LTN1: variants seen among roughly 807,000 people sequenced by gnomAD.
LTN1 encodes the protein E3 ubiquitin-protein ligase listerin.
Under a neutral mutation model 201.2 loss-of-function variants are expected in LTN1, and 88 were observed. The ratio of observed to expected loss-of-function variants is 0.44; its 90% confidence interval spans 0.37 to 0.52. The LOEUF (loss-of-function observed/expected upper bound fraction) is 0.52, where lower values mean the gene tolerates loss of function less well. Ranked by LOEUF, LTN1 falls within the 20% of genes least tolerant of loss-of-function variation. The pLI, the probability that LTN1 is intolerant of heterozygous loss-of-function variation, is 0.00. For synonymous variants in LTN1, 645 were observed against 713.5 expected, an observed-to-expected ratio of 0.90 and a Z score of 1.53; for missense variants, 1,752 against 2,038.7, an observed-to-expected ratio of 0.86 and a Z score of 2.71.
rs373492444 is a variant in LTN1, at chr21:28,952,116, G to A, written c.3344+44C>T. On this transcript the variant is annotated intron_variant, in intron 18 of 29. Coordinates refer to ENST00000361371, the MANE Select transcript of LTN1 (RefSeq NM_015565.3). ...TTAATTAGGGGTTGCCAAAGTGACC[G>A]ATTACAGTAAACTACAAAGTAAAAA... The A allele has an allele frequency of 8.0e-5, 95 of 1,183,146 alleles. No homozygotes were observed. In the East Asian group the frequency reaches 1.6e-3, roughly 20 times the overall value. 73.3% of individuals were successfully genotyped at this position (1,183,146 alleles called of 1,614,324 possible). A position where few individuals can be genotyped will look rare whatever the true frequency, so the allele number is the denominator to read the frequency against.
Position 28,966,755 on chromosome 21 carries a change from G to A in LTN1, c.1736C>T (p.Ser579Leu), listed in dbSNP as rs1345498214. ...TTEPSLTHNS[S>L]GLLSPLRKKP... is the part of the protein sequence containing the mutation. ...TTTCCTTAGAGGAGACAAAAGGCCT[G>A]AAGAATTATGAGTGAGAGAAGGTTC... Residue 579 changes from serine to leucine, a missense_variant, in exon 10 of 30, where the codon TCA becomes TTA. By Grantham distance (145) the Ser-to-Leu change is moderately radical. Around this residue, in one of 3 missense-constraint regions of LTN1, gnomAD observed 1,211 missense variants for 1,312.8 expected, o/e 0.92. Transcript: ENST00000361371. The A allele has an allele frequency of 6.2e-7, 1 of 1,613,990 alleles. No individual in the cohort carries two copies. Among genetic ancestry groups the A allele is most frequent in the Non-Finnish European group, 8.5e-7 (1 of 1,180,016 alleles).
rs1347538656 is a variant in LTN1, at chr21:28,970,589, C to A, written c.1138G>T (p.Asp380Tyr). 1 of 1,612,938 alleles carries A rather than the reference C, an allele frequency of 6.2e-7. No individual in the cohort carries two copies. The highest frequency in any genetic ancestry group is 8.5e-7 in the Non-Finnish European group (1 of 1,179,686). Residue 380 changes from aspartate (D) to tyrosine (Y), a missense_variant, in exon 8 of 30, where the codon GAT (aspartate) becomes TAT (tyrosine). Physicochemically the swap from Asp to Tyr is radical, Grantham distance 160 (BLOSUM62 -3). Coordinates refer to ENST00000361371, the MANE Select transcript of LTN1 (RefSeq NM_015565.3). The part of the protein sequence containing the change: ...LPQSITNPKL[D>Y]FFKNFLTSLV... The stretch of plus-strand genomic sequence containing the variant: ...GACGTGAGGAAATTTTTGAAGAAAT[C>A]CAACTTTGGATTTGTGATGGACTGA...
chr21:28,945,375 T>C (rs8129822), intron 21 of LTN1, among the ~76,000 whole-genome samples: 4,479 of 152,268 alleles, frequency 0.029, 229 homozygotes, highest in African/African-American at 0.1. Context: ...ACAAGTAATA[T>C]ACCTCTGGTT....
chr21:28,982,109 C>A (rs916730646), intron 5 of LTN1, among the ~76,000 whole-genome samples: 1 of 151,806 alleles, frequency 6.6e-6, no homozygotes, highest in Non-Finnish European at 1.5e-5. Context: ...CCCAGCTACT[C>A]GAGAGGCTTA....
chr21:28,962,215 T>C (rs2084484869), intron 11 of LTN1, among the ~76,000 whole-genome samples: 1 of 152,148 alleles, frequency 6.6e-6, no homozygotes. Context: ...AGATAAGAAA[T>C]TCAACATAAT....
At chr21:28,969,335 T>C (rs2084553824) in intron 9 of LTN1, 131 bp downstream of exon 9, 1 of 687,666 alleles carries the variant, frequency 1.5e-6, no homozygotes, top group Non-Finnish European at 2.3e-6. Context: ...TACACATCAC[T>C]CAATTGGTAA....
intron 21 of LTN1, among the ~76,000 whole-genome samples, chr21:28,945,146 A>C (rs1445748959): frequency 2.0e-5 from 3 of 152,162 alleles, no homozygotes; most frequent in African/African-American, 7.2e-5. Context: ...GCTTGAACCC[A>C]GAAGGCGGAG....
intron 27 of LTN1, 57 bp from the exon 28 acceptor site, chr21:28,932,721 CA>C: frequency 8.3e-7 from 1 of 1,206,040 alleles, no homozygotes; most frequent in South Asian, 1.3e-5. Context: ...AACCAGAAAA[CA>C]TTTTGATAGG....
At position 28,971,281 on chromosome 21, in the gene LTN1, G is replaced by A. The variant is rs147761789; in HGVS notation, c.974C>T (p.Thr325Ile). 1.2e-6 allele frequency: 2 copies of A among 1,612,948 alleles called. No homozygotes were observed. The highest frequency in any genetic ancestry group is 1.7e-6 in the Non-Finnish European group (2 of 1,179,456). Reference sequence around the variant, plus strand: ...GCCTCTCTTACATACCTCAATAGTTGTAAGTGTATAGAGTACAGCTTCCCA... The same window carrying A: ...GCCTCTCTTACATACCTCAATAGTTATAAGTGTATAGAGTACAGCTTCCCA... ...ALWEAVLYTLTTIEDCWLHVN... is the reference protein window; with the variant it reads ...ALWEAVLYTLITIEDCWLHVN... Residue 325 changes from threonine to isoleucine, a missense_variant, in exon 7 of 30, where the codon ACA (threonine) becomes ATA (isoleucine). This residue lies in a region of LTN1 where 1,211 missense variants were observed against 1,312.8 expected (regional missense o/e 0.92). Transcript: ENST00000361371.
chr21:28,930,769 C>A (rs1455961143), intron 29 of LTN1, among the ~76,000 whole-genome samples: 1 of 152,164 alleles, frequency 6.6e-6, no homozygotes, highest in Non-Finnish European at 1.5e-5. Context: ...AACAAATGAA[C>A]AAATGGCAAC....
Position 28,959,957 on chromosome 21 carries a change from G to C in LTN1, c.2354-260C>G, listed in dbSNP as rs1002870658. ...ACACTGAAAACCCTTTAAGTCATGAGTCAACTTTATGAGCTAAAAAAAAAA... is the reference window on the plus strand; with the variant it reads ...ACACTGAAAACCCTTTAAGTCATGACTCAACTTTATGAGCTAAAAAAAAAA... On this transcript the variant is annotated intron_variant, in intron 12 of 29. Coordinates refer to ENST00000361371, the MANE Select transcript of LTN1 (RefSeq NM_015565.3). 8 of 281,742 alleles carry C rather than the reference G, an allele frequency of 2.8e-5. No individual in the cohort carries two copies. The Admixed American group carries it at 3.3e-4, about 12-fold the overall frequency. 17.5% of individuals were successfully genotyped at this position (281,742 alleles called of 1,614,324 possible). A position where few individuals can be genotyped will look rare whatever the true frequency, so the allele number is the denominator to read the frequency against.
chr21:28,977,606 C>G (rs2084626089), intron 6 of LTN1, among the ~76,000 whole-genome samples: 1 of 151,902 alleles, frequency 6.6e-6, no homozygotes, highest in Non-Finnish European at 1.5e-5. Context: ...GCCTCTAATC[C>G]CAGCTACTCG....
intron 5 of LTN1, 88 bp from the exon 6 acceptor site, chr21:28,981,387 T>G: frequency 5.7e-6 from 4 of 702,044 alleles, no homozygotes; most frequent in East Asian, 3.3e-5. Context: ...GTTTTATCAT[T>G]AAATATCTAC....
intron 25 of LTN1, among the ~76,000 whole-genome samples, chr21:28,939,981 T>C (rs952213797): frequency 1.3e-5 from 2 of 152,200 alleles, no homozygotes; most frequent in Non-Finnish European, 1.5e-5. Flanking sequence ...GATGCAAAAA[T>C]TGATATCTTT....
chr21:28,966,444 C>T lies in LTN1; in HGVS notation c.2047G>A (p.Asp683Asn). ...DQRKDFGFLV[D>N]ILYSALRCCD... Reference sequence around the variant, plus strand: ...CACCGGAGAGCACTGTACAAAATGTCCACCAGGAAACCAAAATCCTTCCTT... The same window carrying T: ...CACCGGAGAGCACTGTACAAAATGTTCACCAGGAAACCAAAATCCTTCCTT... Residue 683 changes from aspartate (D) to asparagine (N), a missense_variant, in exon 10 of 30, where the codon GAC becomes AAC. This residue lies in a region of LTN1 where 1,211 missense variants were observed against 1,312.8 expected (regional missense o/e 0.92). Coordinates refer to ENST00000361371, the MANE Select transcript of LTN1 (RefSeq NM_015565.3). 6.2e-7 allele frequency: 1 copy of T among 1,614,142 alleles called. No homozygotes were observed. Among genetic ancestry groups the T allele is most frequent in the Non-Finnish European group, 8.5e-7 (1 of 1,180,008 alleles).
chr21:28,935,765 G>A (rs1050395865), intron 26 of LTN1, among the ~76,000 whole-genome samples: 4 of 151,256 alleles, frequency 2.6e-5, no homozygotes, highest in Non-Finnish European at 4.4e-5. Flanking sequence ...GCATGAACCC[G>A]GAAGGCGGAG....
Position 28,931,284 on chromosome 21 carries a change from A to G in LTN1, c.5109T>C (p.Asn1703=), listed in dbSNP as rs562862104. 1.5e-5 allele frequency: 24 copies of G among 1,612,430 alleles called. No homozygotes were observed. Among genetic ancestry groups the G allele is most frequent in the Non-Finnish European group, 2.0e-5 (23 of 1,179,150 alleles). ...SIMEGLALWK[N]NVDKRFEGVE... The stretch of plus-strand genomic sequence containing the variant: ...CACCCTCAAAACGTTTGTCTACGTT[A>G]TTTTTCCATAAAGCTAAGCCTTCCA... The change falls in exon 29 of 30, where the codon AAT becomes AAC. Residue 1703 remains asparagine, a synonymous_variant. Coordinates refer to ENST00000361371, the MANE Select transcript of LTN1 (RefSeq NM_015565.3).
At position 28,943,401 on chromosome 21, in the gene LTN1, G is replaced by C; in HGVS notation, c.4221-65C>G. 4.1e-6 allele frequency: 4 copies of C among 979,858 alleles called. No homozygotes were observed. In the South Asian group the frequency reaches 5.7e-5, roughly 14 times the overall value. The allele number at this position is 979,858 out of a possible 1,614,324, so 60.7% of individuals were successfully genotyped here. A position where few individuals can be genotyped will look rare whatever the true frequency, so the allele number is the denominator to read the frequency against. On this transcript the variant is annotated intron_variant, in intron 23 of 29. Transcript: ENST00000361371. The stretch of plus-strand genomic sequence containing the variant: ...ACTGTTTATTAAGTCGTGCTCAAGA[G>C]CAGAAAGACCAATACTTATTTTATA...
chr21:28,987,633 T>A (rs2084708383), intron 1 of LTN1, among the ~76,000 whole-genome samples: 1 of 152,220 alleles, frequency 6.6e-6, no homozygotes, highest in Non-Finnish European at 1.5e-5. Flanking sequence ...GTGGTTTCTT[T>A]GACTGATACA....
Sources: gnomAD v4.1 joint callset for allele counts (sites outside exome capture counted in the v4.1 genomes callset) on GRCh38, gnomAD v4.1.1 for gene constraint, gnomAD v4.1.1 regional missense constraint, MANE v1.5 for transcripts, NCBI Gene and HGNC (gene_info 2026-07-23, HGNC 2026-07-21) for gene names.